GRWD1: variants seen among roughly 807,000 people sequenced by gnomAD.
GRWD1 encodes glutamate rich WD repeat containing 1.
In GRWD1, 29 loss-of-function variants were observed where a neutral mutation model predicts 45.3. The observed-to-expected ratio is 0.64, with a 90% CI of 0.48 to 0.87. GRWD1 has a LOEUF of 0.87. Among genes scored for constraint, GRWD1 ranks in the 40% least tolerant of loss-of-function variants. The pLI is 0.00. For synonymous variants in GRWD1, 262 were observed against 257.6 expected, an observed-to-expected ratio of 1.02 and a Z score of -0.16; for missense variants, 592 against 618.8, an observed-to-expected ratio of 0.96 and a Z score of 0.46.
rs1601007323 is a variant in GRWD1 at position 48,454,427 on chromosome 19, A to T, written c.*1402A>T. On this transcript the variant is annotated 3_prime_UTR_variant, in exon 7 of 7. Coordinates refer to ENST00000253237, the MANE Select transcript of GRWD1 (RefSeq NM_031485.4). ...CTAGCCCCACCCCCGGCCCCCCTCCATCCAGCCTCTGATCCATCTGTGGAC... is the reference window on the plus strand; with the variant it reads ...CTAGCCCCACCCCCGGCCCCCCTCCTTCCAGCCTCTGATCCATCTGTGGAC... The T allele has an allele frequency of 7.2e-6, 1 of 138,770 alleles. No individual in the cohort carries two copies. Among genetic ancestry groups the T allele is most frequent in the Non-Finnish European group, 1.6e-5 (1 of 62,658 alleles). The allele number at this position is 138,770 out of a possible 1,614,324, so 8.6% of individuals were successfully genotyped here.
Position 48,446,445 on chromosome 19 carries a change from T to C in GRWD1, c.248T>C (p.Leu83Pro). 6.2e-7 allele frequency: 1 copy of C among 1,614,146 alleles called. No individual in the cohort carries two copies. Among genetic ancestry groups the C allele is most frequent in the South Asian group, 1.1e-5 (1 of 91,076 alleles). ...RDHLGDNRTE[L>P]PLTLYLCAGT... ...CACCTGGGAGACAACCGGACAGAGC[T>C]TCCTCTTACACTTTACTTGTGTGCT... is the stretch of plus-strand genomic sequence containing the variant. Residue 83 changes from leucine to proline, a missense_variant, in exon 2 of 7, where the codon CTT becomes CCT. Coordinates refer to ENST00000253237, the MANE Select transcript of GRWD1 (RefSeq NM_031485.4).
chr19:48,448,097 GCACA>G, intron 3 of GRWD1, among the ~76,000 whole-genome samples: 1 of 152,168 alleles, frequency 6.6e-6, no homozygotes, highest in Admixed American at 6.5e-5. Flanking sequence ...GATCACAAGT[GCACA>G]CCACCATGCC....
Position 48,452,764 on chromosome 19 carries a change from G to A in GRWD1, c.1080G>A (p.Glu360=), listed in dbSNP as rs1204450147. Residue 360 remains glutamate (E), a synonymous_variant, in exon 7 of 7, where the codon GAG becomes GAA. Transcript: ENST00000253237. This position sits in a 1 kb window ranked among gnomAD's most constrained non-coding sequence, Gnocchi z 5.1. ...ACGTGGCCCCCGTGACCTCCGTCGA[G>A]TGGCACCCCCAGGACAGCGGGGTCT... The part of the protein sequence containing the change: ...KQHVAPVTSV[E]WHPQDSGVFA... The A allele has an allele frequency of 1.2e-6, 2 of 1,604,002 alleles. No homozygotes were observed. The highest frequency in any genetic ancestry group is 1.1e-5 in the South Asian group (1 of 90,684).
At chr19:48,447,071 A>ATT (rs869052120) in intron 3 of GRWD1, among the ~76,000 whole-genome samples, 98 of 19,306 alleles carry the variant, frequency 5.1e-3, no homozygotes, top group African/African-American at 6.8e-3. Flanking sequence ...TGCCTGGCCC[A>ATT]TTTTTTTTTT....
intron 3 of GRWD1, among the ~76,000 whole-genome samples, chr19:48,449,005 C>G (rs1971441090): frequency 6.6e-6 from 1 of 152,236 alleles, no homozygotes; most frequent in South Asian, 2.1e-4. Flanking sequence ...AGGAAAGAAT[C>G]CTGTGGGGAG....
rs770406802 is a variant in GRWD1, at chr19:48,452,872, C to T, written c.1188C>T (p.Ala396=). ...ERDPEAGDVE[A]DPGLADLPQQ... The stretch of plus-strand genomic sequence containing the variant: ...ACCCTGAGGCGGGCGACGTGGAGGC[C>T]GACCCCGGACTGGCCGACCTCCCGC... Residue 396 remains alanine (A), a synonymous_variant, in exon 7 of 7, where the codon GCC becomes GCT. Transcript: ENST00000253237. This position sits in a 1 kb window ranked among gnomAD's most constrained non-coding sequence, Gnocchi z 5.1. 26 of 1,612,366 alleles carry T rather than the reference C, an allele frequency of 1.6e-5. No homozygotes were observed. The highest frequency in any genetic ancestry group is 5.0e-5 in the Admixed American group (3 of 59,972).
At chr19:48,451,288 G>A in intron 6 of GRWD1, 57 bp downstream of exon 6, 2 of 1,433,780 alleles carry the variant, frequency 1.4e-6, no homozygotes, top group Non-Finnish European at 1.9e-6. Context: ...GCAGCCCCTG[G>A]GATTTGTAGG....
rs1186344725 is a variant in GRWD1 at position 48,446,390 on chromosome 19, C to A, written c.193C>A (p.Pro65Thr). The A allele has an allele frequency of 6.8e-6, 11 of 1,613,988 alleles. No homozygotes were observed. Among genetic ancestry groups the A allele is most frequent in the South Asian group, 4.4e-5 (4 of 91,070 alleles). ...VLYHRAQTGA[P>T]CLSFDIVRDH... ...ACCCCGCCTTCCATCCCCAGGCGCC[C>A]CCTGTCTCAGCTTTGACATAGTCCG... Residue 65 changes from proline to threonine, a missense_variant, in exon 2 of 7, where the codon CCC becomes ACC. By Grantham distance (38) the Pro-to-Thr change is conservative (BLOSUM62 -1). Transcript: ENST00000253237.
At chr19:48,446,928 C>A in intron 3 of GRWD1, 85 bp downstream of exon 3, 7 of 948,080 alleles carry the variant, frequency 7.4e-6, no homozygotes, top group South Asian at 3.9e-5. Flanking sequence ...AACACCTCCT[C>A]ATGTTCTTTT....
chr19:48,446,929 A>G (rs2380120), intron 3 of GRWD1, 86 bp downstream of exon 3: 3 of 34,452 alleles, frequency 8.7e-5, no homozygotes, highest in South Asian at 3.8e-4. Context: ...ACACCTCCTC[A>G]TGTTCTTTTT....
rs1327263998 is a variant in GRWD1 at position 48,450,948 on chromosome 19, T to G, written c.826-86T>G. The G allele has an allele frequency of 2.0e-6, 3 of 1,516,640 alleles. No individual in the cohort carries two copies. The highest frequency in any genetic ancestry group is 1.8e-6 in the Non-Finnish European group (2 of 1,112,940). 93.9% of individuals were successfully genotyped at this position (1,516,640 alleles called of 1,614,324 possible). On this transcript the variant is annotated intron_variant, in intron 5 of 6. Coordinates refer to ENST00000253237, the MANE Select transcript of GRWD1 (RefSeq NM_031485.4). This position sits in a 1 kb window ranked among gnomAD's most constrained non-coding sequence, Gnocchi z 5.1. The stretch of plus-strand genomic sequence containing the variant: ...GGCCAAGTCATAGTAAGGGGAACAG[T>G]GAAAGAGAGAGTAGCCCACCGCTGG...
rs149492901 is a variant in GRWD1 at position 48,446,811 on chromosome 19, G to A, written c.436G>A (p.Val146Met). The A allele has an allele frequency of 2.7e-4, 440 of 1,613,826 alleles. No individual in the cohort carries two copies. Among genetic ancestry groups the A allele is most frequent in the Non-Finnish European group, 3.5e-4 (418 of 1,180,022 alleles). ...GAAACCTCAGCTGGAGCTGGCCATG[G>A]TGCCCCACTATGGTGGCATCAACCG... Reference protein sequence around the residue: ...ERKPQLELAMVPHYGGINRVR... With the variant: ...ERKPQLELAMMPHYGGINRVR... The change falls in exon 3 of 7, where the codon GTG becomes ATG. Residue 146 changes from valine to methionine, a missense_variant. Coordinates refer to ENST00000253237, the MANE Select transcript of GRWD1 (RefSeq NM_031485.4).
chr19:48,450,823 G>C lies in GRWD1; in HGVS notation c.825+15G>C. 1 of 1,608,196 alleles carries C rather than the reference G, an allele frequency of 6.2e-7. No homozygotes were observed. On this transcript the variant is annotated intron_variant, in intron 5 of 6. Transcript: ENST00000253237. The surrounding 1 kb of genome is among the most constrained non-coding windows in gnomAD (Gnocchi z 5.1). ...CTGAGAACACGGTGAGGGAGGGTGG[G>C]GTTCTGGTCGTTTAGTTCTGATGGA...
Position 48,446,385 on chromosome 19 carries a change from G to C in GRWD1, c.188G>C (p.Gly63Ala), listed in dbSNP as rs1258573036. 1.2e-6 allele frequency: 2 copies of C among 1,613,992 alleles called. No individual in the cohort carries two copies. The highest frequency in any genetic ancestry group is 3.3e-5 in the Admixed American group (2 of 60,020). The change falls in exon 2 of 7, where the codon GGC becomes GCC. Residue 63 changes from glycine (G) to alanine (A), a missense_variant and splice_region_variant. Coordinates refer to ENST00000253237, the MANE Select transcript of GRWD1 (RefSeq NM_031485.4). The stretch of plus-strand genomic sequence containing the variant: ...CGTAAACCCCGCCTTCCATCCCCAG[G>C]CGCCCCCTGTCTCAGCTTTGACATA... ...AYVLYHRAQT[G>A]APCLSFDIVR...
At position 48,450,346 on chromosome 19, in the gene GRWD1, G is replaced by T. The variant is rs148152481; in HGVS notation, c.502G>T (p.Val168Leu). 1.9e-6 allele frequency: 3 copies of T among 1,612,700 alleles called. No homozygotes were observed. The highest frequency in any genetic ancestry group is 2.5e-6 in the Non-Finnish European group (3 of 1,179,822). ...SWLGEEPVAG[V>L]WSEKGQVEVF... ...GCTGGGTGAAGAGCCTGTGGCTGGG[G>T]TGTGGTCAGAGAAGGGCCAGGTGGA... is the stretch of plus-strand genomic sequence containing the variant. The change falls in exon 4 of 7, where the codon GTG becomes TTG. Residue 168 changes from valine (V) to leucine (L), a missense_variant. Val to Leu is a conservative substitution (Grantham distance 32). Coordinates refer to ENST00000253237, the MANE Select transcript of GRWD1 (RefSeq NM_031485.4). This position sits in a 1 kb window ranked among gnomAD's most constrained non-coding sequence, Gnocchi z 5.1.
chr19:48,453,081 CTCCCCTGGAAGGGGT>C lies in GRWD1; in HGVS notation c.*59_*73del. 1 of 1,491,950 alleles carries C rather than the reference CTCCCCTGGAAGGGGT, an allele frequency of 6.7e-7. No homozygotes were observed. 92.4% of individuals were successfully genotyped at this position (1,491,950 alleles called of 1,614,324 possible). A position where few individuals can be genotyped will look rare whatever the true frequency, so the allele number is the denominator to read the frequency against. On this transcript the variant is annotated 3_prime_UTR_variant, in exon 7 of 7. Coordinates refer to ENST00000253237, the MANE Select transcript of GRWD1 (RefSeq NM_031485.4). ...GCTTGGAAACTGAAGTCGAATTGGG[CTCCCCTGGAAGGGGT>C]TCATTCAGGTCTGTTGACTGAGACT...
rs768208806 is a variant in GRWD1, at chr19:48,451,161, G to A, written c.953G>A (p.Arg318His). 1.4e-5 allele frequency: 22 copies of A among 1,613,648 alleles called. No individual in the cohort carries two copies. The Admixed American group carries it at 1.7e-4, about 12-fold the overall frequency. The change falls in exon 6 of 7, where the codon CGC (arginine) becomes CAC (histidine). Residue 318 changes from arginine to histidine, a missense_variant. Arg to His is a conservative substitution (Grantham distance 29). Coordinates refer to ENST00000253237, the MANE Select transcript of GRWD1 (RefSeq NM_031485.4). ...DGDVNVISWS[R>H]REPFLLSGGD... Reference sequence around the variant, plus strand: ...GACGTCAATGTCATCAGCTGGAGCCGCCGGGAGCCCTTCCTGCTCAGTGGC... The same window carrying A: ...GACGTCAATGTCATCAGCTGGAGCCACCGGGAGCCCTTCCTGCTCAGTGGC...
chr19:48,448,554 G>A (rs1361326402), intron 3 of GRWD1, among the ~76,000 whole-genome samples: 2 of 152,194 alleles, frequency 1.3e-5, no homozygotes, highest in Non-Finnish European at 2.9e-5. Flanking sequence ...CAATGAAGTA[G>A]GGGAAGAGGG....
chr19:48,453,241 C>A lies in GRWD1; in HGVS notation c.*216C>A. 1 of 510,840 alleles carries A rather than the reference C, an allele frequency of 2.0e-6. No homozygotes were observed. 31.6% of individuals were successfully genotyped at this position (510,840 alleles called of 1,614,324 possible). On this transcript the variant is annotated 3_prime_UTR_variant, in exon 7 of 7. Transcript: ENST00000253237. Reference sequence around the variant, plus strand: ...CGGTTTAACCAGGGCTCTGTAAGACCACTCCCACCCAGAGACTTGTGTGGC... The same window carrying A: ...CGGTTTAACCAGGGCTCTGTAAGACAACTCCCACCCAGAGACTTGTGTGGC...
Sources: gnomAD v4.1 joint callset for allele counts (sites outside exome capture counted in the v4.1 genomes callset) on GRCh38, gnomAD v4.1.1 for gene constraint, Gnocchi (gnomAD v3.1) non-coding constraint, MANE v1.5 for transcripts, NCBI Gene and HGNC (gene_info 2026-07-23, HGNC 2026-07-21) for gene names.